The following NEDD4L variants were observed in gnomAD, a reference collection of about 807,000 sequenced individuals.
NEDD4L encodes the protein NEDD4 like E3 ubiquitin protein ligase.
Under a neutral mutation model 148.9 loss-of-function variants are expected in NEDD4L, and 54 were observed. The ratio of observed to expected loss-of-function variants is 0.36; its 90% CI spans 0.29 to 0.45. NEDD4L has a LOEUF of 0.45. Ranked by LOEUF, NEDD4L falls within the 20% of genes least tolerant of loss-of-function variation. The probability of loss-of-function intolerance (pLI) is 1.00; values close to 1 mark genes in which losing one functional copy is unlikely to be tolerated. For synonymous variants in NEDD4L, 433 were observed against 440.7 expected (o/e 0.98, Z 0.22); for missense variants, 856 against 1,233.8 (o/e 0.69, Z 4.59).
chr18:58,213,403 G>C (rs520895), intron 2 of NEDD4L, among the ~76,000 whole-genome samples: 68,680 of 152,112 alleles, frequency 0.45, 17,201 homozygotes, highest in African/African-American at 0.68. Flanking sequence ...AGAGCTGTAT[G>C]AGAGTTGGCT....
chr18:58,227,372 G>C (rs977133867), intron 2 of NEDD4L, among the ~76,000 whole-genome samples: 1 of 152,182 alleles, frequency 6.6e-6, no homozygotes, highest in Non-Finnish European at 1.5e-5. Flanking sequence ...CTTCCTGGGG[G>C]TGTCCTGAAG....
At chr18:58,371,119 T>TACAACC (rs3063155) in intron 23 of NEDD4L, among the ~76,000 whole-genome samples, 1 of 151,426 alleles carries the variant, frequency 6.6e-6, no homozygotes, top group African/African-American at 2.4e-5. Context: ...CTTGGCTCAC[T>TACAACC]TCCGCCTTGC....
At position 58,396,288 on chromosome 18, in the gene NEDD4L, G is replaced by T. The variant is rs776125724; in HGVS notation, c.*19G>T. ...GGATTAAGCACCCTGTGCCTCGGGG[G>T]TGGTTGTTCTTCAAGCAAGTTCTGC... is the stretch of plus-strand genomic sequence containing the variant. On this transcript the variant is annotated 3_prime_UTR_variant, in exon 31 of 31. Transcript: ENST00000400345. The T allele has an allele frequency of 3.2e-6, 5 of 1,553,214 alleles. No individual in the cohort carries two copies. Among genetic ancestry groups the T allele is most frequent in the Admixed American group, 1.7e-5 (1 of 58,608 alleles).
chr18:58,215,012 A>G (rs927054971), intron 2 of NEDD4L, among the ~76,000 whole-genome samples: 1 of 151,948 alleles, frequency 6.6e-6, no homozygotes, highest in Non-Finnish European at 1.5e-5. Context: ...GGGTTTCACC[A>G]TGTTGGCCAG....
intron 2 of NEDD4L, among the ~76,000 whole-genome samples, chr18:58,171,798 G>A (rs1405899761): frequency 6.6e-6 from 1 of 152,184 alleles, no homozygotes; most frequent in Admixed American, 6.5e-5. Context: ...GCTCTTTGTG[G>A]ACCAGCACAG....
chr18:58,297,574 A>G (rs571183029), intron 5 of NEDD4L, among the ~76,000 whole-genome samples: 1 of 152,262 alleles, frequency 6.6e-6, no homozygotes, highest in Non-Finnish European at 1.5e-5. Flanking sequence ...CCAAGCCCTT[A>G]TCTCCCAAAT....
At chr18:58,387,613 G>A (rs1326092978) in intron 27 of NEDD4L, 115 bp downstream of exon 27, 13 of 1,158,306 alleles carry the variant, frequency 1.1e-5, no homozygotes, top group Non-Finnish European at 1.5e-5. Context: ...AGTAACTTTA[G>A]ATGAATTATA....
intron 25 of NEDD4L, 42 bp from the exon 26 acceptor site, chr18:58,385,484 G>A: frequency 6.6e-7 from 1 of 1,512,526 alleles, no homozygotes; most frequent in African/African-American, 1.4e-5. Flanking sequence ...GAGCACTAGT[G>A]ATGATGGAGG....
chr18:58,381,707 GGAAAAGAA>G (rs1345695047), intron 24 of NEDD4L, among the ~76,000 whole-genome samples: 1 of 152,094 alleles, frequency 6.6e-6, no homozygotes, highest in African/African-American at 2.4e-5. Flanking sequence ...GAATAAATGG[GGAAAAGAA>G]GAAAAGCCAA....
intron 1 of NEDD4L, among the ~76,000 whole-genome samples, chr18:58,105,921 A>G (rs1404731161): frequency 6.6e-6 from 1 of 152,246 alleles, no homozygotes; most frequent in Non-Finnish European, 1.5e-5. Flanking sequence ...TGCCGTTTTC[A>G]GGGTCAGGCT....
intron 5 of NEDD4L, among the ~76,000 whole-genome samples, chr18:58,257,833 A>G (rs2048814260): frequency 6.6e-6 from 1 of 152,154 alleles, no homozygotes; most frequent in Non-Finnish European, 1.5e-5. Flanking sequence ...AGCTCCTTAT[A>G]TTTTGAATTG....
chr18:58,198,764 A>G (rs572920614), intron 2 of NEDD4L, among the ~76,000 whole-genome samples: 3 of 152,362 alleles, frequency 2.0e-5, no homozygotes, highest in African/African-American at 7.2e-5. Context: ...GCACTAATTC[A>G]TAATAGTTGA....
At chr18:58,063,506 A>C (rs1248108265) in intron 1 of NEDD4L, among the ~76,000 whole-genome samples, 1 of 151,900 alleles carries the variant, frequency 6.6e-6, no homozygotes, top group African/African-American at 2.4e-5. Context: ...ATTTCTCTTC[A>C]AGGAGCAAGT....
At chr18:58,077,320 C>T (rs887439930) in intron 1 of NEDD4L, among the ~76,000 whole-genome samples, 1 of 151,944 alleles carries the variant, frequency 6.6e-6, no homozygotes. Flanking sequence ...GCATGTACTA[C>T]CATGCCCAGC....
intron 5 of NEDD4L, among the ~76,000 whole-genome samples, chr18:58,313,803 G>A (rs532082332): frequency 6.6e-6 from 1 of 152,220 alleles, no homozygotes; most frequent in Non-Finnish European, 1.5e-5. Context: ...TGTTTTATCA[G>A]TTTAGAACTC....
intron 24 of NEDD4L, among the ~76,000 whole-genome samples, chr18:58,380,207 C>T (rs983738188): frequency 6.6e-6 from 1 of 151,026 alleles, no homozygotes; most frequent in South Asian, 2.1e-4. Context: ...TTTTTATTTA[C>T]ATTTTCCAGA....
chr18:58,200,055 A>G (rs2147380806), intron 2 of NEDD4L, among the ~76,000 whole-genome samples: 1 of 152,374 alleles, frequency 6.6e-6, no homozygotes, highest in South Asian at 2.1e-4. Context: ...CATTTTGTTA[A>G]CAGATATAGT....
rs1030587626 is a variant in NEDD4L at position 58,070,203 on chromosome 18, G to A, written c.48+25495G>A. Among the ~76,000 whole-genome samples, 4 of 152,136 alleles carry A rather than the reference G, an allele frequency of 2.6e-5. No homozygotes were observed. The East Asian group carries it at 5.8e-4, about 22-fold the overall frequency. ...AGTTGTTTAATCACAGCTGTCTGAG[G>A]TGGTGTTGCTAATTGAGGCCAAGTG... On this transcript the variant is annotated intron_variant, in intron 1 of 30. Transcript: ENST00000400345.
intron 2 of NEDD4L, among the ~76,000 whole-genome samples, chr18:58,185,636 G>A (rs1282121139): frequency 6.6e-6 from 1 of 152,180 alleles, no homozygotes; most frequent in Non-Finnish European, 1.5e-5. Flanking sequence ...CACTTTGGGA[G>A]GCCTAGGCGG....
Sources: gnomAD v4.1 joint callset for allele counts (sites outside exome capture counted in the v4.1 genomes callset) on GRCh38, gnomAD v4.1.1 for gene constraint, MANE v1.5 for transcripts, NCBI Gene and HGNC (gene_info 2026-07-23, HGNC 2026-07-21) for gene names.